RBM26: variants seen among roughly 807,000 people sequenced by gnomAD.
The protein encoded by RBM26 is RNA-binding protein 26.
RBM26 carries 30 observed loss-of-function variants against 123.6 expected under a neutral mutation model. The ratio of observed to expected loss-of-function variants is 0.24; its 90% confidence interval spans 0.18 to 0.33. The LOEUF is 0.33. Among genes scored for constraint, RBM26 ranks in the 10% least tolerant of loss-of-function variants. The pLI, the probability that RBM26 is intolerant of heterozygous loss-of-function variation, is 1.00. For missense variants in RBM26, 947 were observed against 1,203.6 expected (o/e 0.79, Z 3.15); for synonymous variants, 400 against 404.4 (o/e 0.99, Z 0.13).
chr13:79,392,303 G>A (rs1229986265), intron 1 of RBM26, among the ~76,000 whole-genome samples: 1 of 136,278 alleles, frequency 7.3e-6, no homozygotes, highest in Non-Finnish European at 1.5e-5. Context: ...ATAATTAATT[G>A]TATAACGGTA....
At position 79,320,419 on chromosome 13, in the gene RBM26, T is replaced by C. The variant is rs1219330223; in HGVS notation, c.*202A>G. 7.4e-6 allele frequency: 9 copies of C among 1,221,256 alleles called. No individual in the cohort carries two copies. Among genetic ancestry groups the C allele is most frequent in the Admixed American group, 4.1e-5 (1 of 24,672 alleles). The allele number at this position is 1,221,256 out of a possible 1,614,324, so 75.7% of individuals were successfully genotyped here. A position where few individuals can be genotyped will look rare whatever the true frequency, so the allele number is the denominator to read the frequency against. On this transcript the variant is annotated 3_prime_UTR_variant, in exon 22 of 22. Transcript: ENST00000438737. ...GTTTCTAGTGTGATGTCTTTAGCAA[T>C]TGTTTACTGAAGTAAAATGCAAACA...
intron 13 of RBM26, 49 bp from the exon 14 acceptor site, chr13:79,353,273 A>T (rs779474185): frequency 1.8e-6 from 2 of 1,093,114 alleles, no homozygotes; most frequent in Non-Finnish European, 1.4e-6. Context: ...AACATATAAA[A>T]GTCTGTTGGG....
At chr13:79,386,211 C>T (rs552390939) in intron 1 of RBM26, among the ~76,000 whole-genome samples, 1 of 151,680 alleles carries the variant, frequency 6.6e-6, no homozygotes, top group South Asian at 2.1e-4. Flanking sequence ...GAAGACAGGC[C>T]GATTCTTACA....
chr13:79,406,177 T>G lies in RBM26; in HGVS notation c.-403A>C, dbSNP rs1006572799. On this transcript the variant is annotated 5_prime_UTR_variant, in exon 1 of 22. Transcript: ENST00000438737. ...AAAGAAAGCGAAGGCGAAGGGCAGC[T>G]CAATGGGAACGATTCAGGGGGTCTT... is the stretch of plus-strand genomic sequence containing the variant. 4 of 157,160 alleles carry G rather than the reference T, an allele frequency of 2.5e-5. No homozygotes were observed. Among genetic ancestry groups the G allele is most frequent in the Non-Finnish European group, 4.2e-5 (3 of 71,490 alleles). The allele number at this position is 157,160 out of a possible 1,614,324, so 9.7% of individuals were successfully genotyped here.
chr13:79,373,475 TATAC>T (rs2076292880), intron 3 of RBM26, among the ~76,000 whole-genome samples: 2 of 22,914 alleles, frequency 8.7e-5, no homozygotes, highest in Non-Finnish European at 1.7e-4. Context: ...TATGTATAAA[TATAC>T]AAATATATAT....
At chr13:79,317,925 T>C (rs568700732), downstream of RBM26, among the ~76,000 whole-genome samples, 1 of 151,784 alleles carries the variant, frequency 6.6e-6, no homozygotes, top group Non-Finnish European at 1.5e-5. Context: ...CAACAAACAT[T>C]TGAGTGCCCA....
chr13:79,357,252 T>C (rs1286440325), intron 11 of RBM26, among the ~76,000 whole-genome samples: 1 of 152,158 alleles, frequency 6.6e-6, no homozygotes, highest in Admixed American at 6.5e-5. Flanking sequence ...CTATTACTTT[T>C]ATAGTACTTT....
At chr13:79,333,507 T>G (rs982280711) in intron 20 of RBM26, among the ~76,000 whole-genome samples, 1 of 152,232 alleles carries the variant, frequency 6.6e-6, no homozygotes, top group Non-Finnish European at 1.5e-5. Context: ...CAAAACTTAT[T>G]TAAGTTGAAA....
Position 79,354,565 on chromosome 13 carries a change from C to A in RBM26, c.1860G>T (p.Met620Ile). ...AAATGGGCTGCTGGACTAAAGGCTG[C>A]ATTACCTCAGAACAAGGAAAAAATG... The part of the protein sequence containing the change: ...QQLQTTSPKV[M>I]QPLVQQPILP... Residue 620 changes from methionine to isoleucine, a missense_variant, in exon 13 of 22, where the codon ATG (methionine) becomes ATT (isoleucine). Physicochemically the swap from Met to Ile is conservative, Grantham distance 10. Around this residue, in one of 5 missense-constraint regions of RBM26, gnomAD observed 493 missense variants for 563.1 expected, o/e 0.88. Coordinates refer to ENST00000438737, the MANE Select transcript of RBM26 (RefSeq NM_001366735.2). The A allele has an allele frequency of 1.3e-6, 2 of 1,591,390 alleles. No individual in the cohort carries two copies. The highest frequency in any genetic ancestry group is 1.3e-5 in the African/African-American group (1 of 74,498).
At chr13:79,392,172 AATAAT>A (rs1449281560) in intron 1 of RBM26, among the ~76,000 whole-genome samples, 2 of 29,082 alleles carry the variant, frequency 6.9e-5, no homozygotes, top group African/African-American at 1.1e-4. Context: ...TATATTATAC[AATAAT>A]ACATAATTAT....
At chr13:79,333,323 C>T (rs1403625802) in intron 20 of RBM26, among the ~76,000 whole-genome samples, 3 of 151,660 alleles carry the variant, frequency 2.0e-5, no homozygotes, top group Non-Finnish European at 2.9e-5. Context: ...TATACTACCC[C>T]CTACCTCTAC....
intron 14 of RBM26, among the ~76,000 whole-genome samples, chr13:79,348,812 G>C (rs1594180925): frequency 6.6e-6 from 1 of 152,098 alleles, no homozygotes; most frequent in East Asian, 1.9e-4. Flanking sequence ...ATGGGATTTT[G>C]GTTTAAAGTT....
chr13:79,353,414 A>G (rs565212729), intron 13 of RBM26, among the ~76,000 whole-genome samples, 190 bp from the exon 14 acceptor site: 23 of 152,224 alleles, frequency 1.5e-4, no homozygotes, highest in Non-Finnish European at 2.6e-4. Flanking sequence ...ACAGTATGCA[A>G]TATTATTCAA....
downstream of RBM26, among the ~76,000 whole-genome samples, chr13:79,318,162 T>C (rs2067318173): frequency 6.6e-6 from 1 of 151,414 alleles, no homozygotes; most frequent in African/African-American, 2.4e-5. Flanking sequence ...TTGTGCAGTA[T>C]CTTTGAGGCA....
At position 79,371,033 on chromosome 13, in the gene RBM26, A is replaced by G. The variant is rs2075825838; in HGVS notation, c.546T>C (p.Ser182=). 6.2e-7 allele frequency: 1 copy of G among 1,611,338 alleles called. No homozygotes were observed. Among genetic ancestry groups the G allele is most frequent in the Non-Finnish European group, 8.5e-7 (1 of 1,178,220 alleles). The change falls in exon 5 of 22, where the codon AGT becomes AGC. Residue 182 remains serine, a synonymous_variant. Coordinates refer to ENST00000438737, the MANE Select transcript of RBM26 (RefSeq NM_001366735.2). ...TCTCTTTACTCCAACTTCGACTTCG[A>G]CTCCTGCTATAACTGCGACTCCGCC... ...RRGRSRSYSR[S]RSRSWSKERL...
chr13:79,369,046 C>A, intron 5 of RBM26, 56 bp from the exon 6 acceptor site: 3 of 1,110,774 alleles, frequency 2.7e-6, no homozygotes, highest in Middle Eastern at 2.3e-4. Flanking sequence ...AAAAAAAAGT[C>A]CCAGATCTAA....
At chr13:79,314,294 T>C (rs1262702438), downstream of RBM26, 2 of 151,786 alleles carry the variant, frequency 1.3e-5, no homozygotes, top group African/African-American at 2.4e-5. Flanking sequence ...GAAAAAATTA[T>C]GTTAAGACAT....
At chr13:79,378,675 G>C in intron 2 of RBM26, 114 bp downstream of exon 2, 1 of 548,390 alleles carries the variant, frequency 1.8e-6, no homozygotes, top group Non-Finnish European at 3.2e-6. Context: ...CCTGACCTCA[G>C]GTGATCCACC....
intron 6 of RBM26, among the ~76,000 whole-genome samples, chr13:79,367,332 G>A (rs975579464): frequency 7.5e-5 from 11 of 146,212 alleles, no homozygotes; most frequent in African/African-American, 2.2e-4. Flanking sequence ...GCTAGAACCC[G>A]GGAGGCAGTG....
Sources: allele counts gnomAD v4.1 joint callset (sites outside exome capture counted in the v4.1 genomes callset), GRCh38; gene constraint gnomAD v4.1.1; regional missense constraint gnomAD v4.1.1; transcripts MANE v1.5; gene names NCBI Gene and HGNC (gene_info 2026-07-23, HGNC 2026-07-21).